Variants in RALA observed in about 807,000 individuals in gnomAD.
The protein encoded by RALA is ras-related protein Ral-A.
RALA carries 5 observed loss-of-function variants against 24.0 expected under a neutral mutation model. The ratio of observed to expected loss-of-function variants is 0.21; its 90% confidence interval spans 0.11 to 0.44. The LOEUF is 0.44. Among genes scored for constraint, RALA ranks in the 20% least tolerant of loss-of-function variants. The pLI is 0.99. For missense variants in RALA, 95 were observed against 241.2 expected, an observed-to-expected ratio of 0.39 and a Z score of 4.01; for synonymous variants, 77 against 83.8, an observed-to-expected ratio of 0.92 and a Z score of 0.44.
intron 1 of RALA, among the ~76,000 whole-genome samples, chr7:39,662,547 A>G (rs1249809429): frequency 6.6e-6 from 1 of 152,168 alleles, no homozygotes; most frequent in African/African-American, 2.4e-5. Flanking sequence ...TCTCTAGTTC[A>G]GGGGCAAAAT....
Position 39,706,893 on chromosome 7 carries a change from TACTG to T in RALA, c.*651_*654del, listed in dbSNP as rs777070201. ...GGTTATATCATTCTGGGTGTGTTCT[TACTG>T]ACACCAGGGGTCCGCTGCCCCATGT... On this transcript the variant is annotated 3_prime_UTR_variant, in exon 5 of 5. Coordinates refer to ENST00000005257, the MANE Select transcript of RALA (RefSeq NM_005402.4). The T allele has an allele frequency of 6.5e-6, 1 of 152,672 alleles. No homozygotes were observed. Among genetic ancestry groups the T allele is most frequent in the Non-Finnish European group, 1.5e-5 (1 of 68,076 alleles). 9.5% of individuals were successfully genotyped at this position (152,672 alleles called of 1,614,324 possible). A position where few individuals can be genotyped will look rare whatever the true frequency, so the allele number is the denominator to read the frequency against.
intron 1 of RALA, among the ~76,000 whole-genome samples, chr7:39,626,775 C>G (rs1791495594): frequency 6.6e-6 from 1 of 152,150 alleles, no homozygotes; most frequent in South Asian, 2.1e-4. Flanking sequence ...GTGACCTTTC[C>G]TTGAAATCAC....
At chr7:39,659,965 C>T (rs1296142637) in intron 1 of RALA, among the ~76,000 whole-genome samples, 1 of 152,170 alleles carries the variant, frequency 6.6e-6, no homozygotes, top group Non-Finnish European at 1.5e-5. Flanking sequence ...GAGCTATGTG[C>T]AGCTCTTGGC....
chr7:39,680,038 C>T (rs1247946828), intron 1 of RALA, among the ~76,000 whole-genome samples: 1 of 151,730 alleles, frequency 6.6e-6, no homozygotes, highest in Non-Finnish European at 1.5e-5. Context: ...AAACTTATGA[C>T]GGGTTTTATG....
chr7:39,637,420 T>C lies in RALA; in HGVS notation c.-38+13595T>C, dbSNP rs1264625168. On this transcript the variant is annotated intron_variant, in intron 1 of 4. Transcript: ENST00000005257. Reference sequence around the variant, plus strand: ...TCAACAATTCTTTTGAACACACCTGTAACTTAAAGATTTTAGCACCAATTC... The same window carrying C: ...TCAACAATTCTTTTGAACACACCTGCAACTTAAAGATTTTAGCACCAATTC... 2.6e-5 allele frequency among the ~76,000 whole-genome samples: 4 copies of C among 152,252 alleles called. No homozygotes were observed. In the East Asian group the frequency reaches 7.7e-4, roughly 29 times the overall value.
intron 1 of RALA, among the ~76,000 whole-genome samples, chr7:39,644,339 A>C (rs1175716385): frequency 6.6e-6 from 1 of 152,118 alleles, no homozygotes. Flanking sequence ...TGGTTGAATC[A>C]TCAAGGTTTT....
chr7:39,628,881 T>G (rs1433156940), intron 1 of RALA, among the ~76,000 whole-genome samples: 1 of 152,202 alleles, frequency 6.6e-6, no homozygotes, highest in Non-Finnish European at 1.5e-5. Context: ...TAATTAGGTC[T>G]GAACAACTTA....
chr7:39,706,491 G>A lies in RALA; in HGVS notation c.*246G>A, dbSNP rs1793122332. 2.7e-6 allele frequency: 1 copy of A among 369,802 alleles called. No homozygotes were observed. The allele number at this position is 369,802 out of a possible 1,614,324, so 22.9% of individuals were successfully genotyped here. ...TACATTTATCATGGTCCTGAATGTAGCGTGTAAGCTTGTGTTTCTTGGGCA... is the reference window on the plus strand; with the variant it reads ...TACATTTATCATGGTCCTGAATGTAACGTGTAAGCTTGTGTTTCTTGGGCA... On this transcript the variant is annotated 3_prime_UTR_variant, in exon 5 of 5. Coordinates refer to ENST00000005257, the MANE Select transcript of RALA (RefSeq NM_005402.4).
intron 1 of RALA, among the ~76,000 whole-genome samples, chr7:39,629,974 C>A (rs573710387): frequency 6.6e-6 from 1 of 152,290 alleles, no homozygotes; most frequent in South Asian, 2.1e-4. Context: ...CGTGATCCGT[C>A]CACCTCAGCC....
rs1056551400 is a variant in RALA at position 39,707,756 on chromosome 7, AACTC to A, written c.*1516_*1519del. 6.6e-6 allele frequency: 1 copy of A among 152,612 alleles called. No individual in the cohort carries two copies. Among genetic ancestry groups the A allele is most frequent in the African/African-American group, 2.4e-5 (1 of 41,436 alleles). 9.5% of individuals were successfully genotyped at this position (152,612 alleles called of 1,614,324 possible). A position where few individuals can be genotyped will look rare whatever the true frequency, so the allele number is the denominator to read the frequency against. ...TAAAGTTAAAAATAGGCTTTTTAGGAACTCACTCTTTAGATATTTACATCCAGCT... is the reference window on the plus strand; with the variant it reads ...TAAAGTTAAAAATAGGCTTTTTAGGAACTCTTTAGATATTTACATCCAGCT... On this transcript the variant is annotated 3_prime_UTR_variant, in exon 5 of 5. Coordinates refer to ENST00000005257, the MANE Select transcript of RALA (RefSeq NM_005402.4).
chr7:39,636,731 CAG>C (rs1466018683), intron 1 of RALA, among the ~76,000 whole-genome samples: 2 of 152,170 alleles, frequency 1.3e-5, no homozygotes, highest in African/African-American at 4.8e-5. Context: ...TTAATTGACT[CAG>C]AGTTCTGCAA....
intron 1 of RALA, among the ~76,000 whole-genome samples, chr7:39,629,914 A>G (rs1021923754): frequency 3.3e-5 from 5 of 152,002 alleles, no homozygotes; most frequent in Non-Finnish European, 7.4e-5. Flanking sequence ...TATTTTTAGT[A>G]GAGATGGGGT....
intron 1 of RALA, among the ~76,000 whole-genome samples, chr7:39,681,449 G>T (rs28429280): frequency 6.6e-6 from 1 of 151,102 alleles, no homozygotes; most frequent in Admixed American, 6.6e-5. Flanking sequence ...CCTGCAAGTA[G>T]CTGGGATTAC....
chr7:39,643,665 G>A (rs559923756), intron 1 of RALA, among the ~76,000 whole-genome samples: 10 of 138,272 alleles, frequency 7.2e-5, no homozygotes, highest in Non-Finnish European at 1.3e-4. Flanking sequence ...AGACCAGCCC[G>A]GCCTACATAT....
At chr7:39,644,017 C>A (rs2115950383) in intron 1 of RALA, among the ~76,000 whole-genome samples, 1 of 152,196 alleles carries the variant, frequency 6.6e-6, no homozygotes, top group South Asian at 2.1e-4. Flanking sequence ...GACTCCAGGT[C>A]CTCAGAAATC....
chr7:39,639,036 C>A (rs997992115), intron 1 of RALA, among the ~76,000 whole-genome samples: 1 of 152,204 alleles, frequency 6.6e-6, no homozygotes, highest in African/African-American at 2.4e-5. Flanking sequence ...ACAGTTGTTA[C>A]ACAGTAAGTC....
chr7:39,706,235 G>A lies in RALA; in HGVS notation c.611G>A (p.Cys204Tyr). The A allele has an allele frequency of 6.2e-7, 1 of 1,605,922 alleles. No individual in the cohort carries two copies. The highest frequency in any genetic ancestry group is 8.5e-7 in the Non-Finnish European group (1 of 1,178,242). Reference protein sequence around the residue: ...SLAKRIRERCCIL With the variant: ...SLAKRIRERCYIL Reference sequence around the variant, plus strand: ...GCCAAGAGAATCAGAGAAAGATGCTGCATTTTATAATCAAAGCCCAAACTC... The same window carrying A: ...GCCAAGAGAATCAGAGAAAGATGCTACATTTTATAATCAAAGCCCAAACTC... Residue 204 changes from cysteine (C) to tyrosine (Y), a missense_variant, in exon 5 of 5, where the codon TGC becomes TAC. Cys to Tyr is a radical substitution (Grantham distance 194, BLOSUM62 -2). Transcript: ENST00000005257.
At chr7:39,667,672 C>T (rs1421227024) in intron 1 of RALA, among the ~76,000 whole-genome samples, 5 of 152,226 alleles carry the variant, frequency 3.3e-5, no homozygotes, top group African/African-American at 1.2e-4. Context: ...ATATCCTGCC[C>T]ACACAACCAG....
chr7:39,661,052 CAA>C (rs1278837153), intron 1 of RALA, among the ~76,000 whole-genome samples: 1 of 152,046 alleles, frequency 6.6e-6, no homozygotes, highest in Admixed American at 6.6e-5. Flanking sequence ...TGGTGGCAGA[CAA>C]GAGAATGAGA....
Sources: allele counts gnomAD v4.1 joint callset (sites outside exome capture counted in the v4.1 genomes callset), GRCh38; gene constraint gnomAD v4.1.1; transcripts MANE v1.5; gene names NCBI Gene and HGNC (gene_info 2026-07-23, HGNC 2026-07-21).